ST8SIA2: variants seen among roughly 807,000 people sequenced by gnomAD.
The protein encoded by ST8SIA2 is alpha-2,8-sialyltransferase 8B.
ST8SIA2 carries 22 observed loss-of-function variants against 37.6 expected under a neutral mutation model. The observed-to-expected ratio is 0.58, with a 90% CI of 0.42 to 0.83. ST8SIA2 has a LOEUF of 0.83. Ranked by LOEUF, ST8SIA2 falls within the 40% of genes least tolerant of loss-of-function variation. ST8SIA2 has a pLI of 0.00. For synonymous variants in ST8SIA2, 205 were observed against 201.2 expected (o/e 1.02, Z -0.16); for missense variants, 382 against 484.7 (o/e 0.79, Z 1.99).
chr15:92,401,634 A>T (rs11074066), intron 1 of ST8SIA2, among the ~76,000 whole-genome samples: 3 of 152,106 alleles, frequency 2.0e-5, no homozygotes, highest in East Asian at 3.9e-4. Flanking sequence ...TCCAGCATCC[A>T]GCCTCGCTGT....
intron 5 of ST8SIA2, among the ~76,000 whole-genome samples, chr15:92,460,592 G>A (rs935506368): frequency 2.0e-5 from 3 of 152,184 alleles, no homozygotes; most frequent in Admixed American, 6.5e-5. Context: ...AGATGCTGCC[G>A]AGGTGGTCTA....
intron 1 of ST8SIA2, among the ~76,000 whole-genome samples, chr15:92,399,441 G>A (rs912462342): frequency 6.6e-6 from 1 of 152,202 alleles, no homozygotes; most frequent in South Asian, 2.1e-4. Context: ...CAGCCATGAC[G>A]AGATCTGTGA....
At chr15:92,429,998 T>C (rs1269536843) in intron 1 of ST8SIA2, 51 bp from the exon 2 acceptor site, 1 of 1,603,336 alleles carries the variant, frequency 6.2e-7, no homozygotes, top group Admixed American at 1.7e-5. Flanking sequence ...TGAAGAGGGC[T>C]TTGCAAAGAT....
In ST8SIA2 at chr15:92,465,293, T is replaced by TG. The variant is rs1298043149; in HGVS notation, c.*911dup. The TG allele has an allele frequency of 3.3e-5, 5 of 152,208 alleles. No homozygotes were observed. The highest frequency in any genetic ancestry group is 2.1e-4 in the South Asian group (1 of 4,826). The allele number at this position is 152,208 out of a possible 1,614,324, so 9.4% of individuals were successfully genotyped here. ...GAAGAGACCCTGGGATTTCACCCTCTGGGTTAGTCTCTGTCTCACCCTGTT... is the reference window on the plus strand; with the variant it reads ...GAAGAGACCCTGGGATTTCACCCTCTGGGGTTAGTCTCTGTCTCACCCTGTT... On this transcript the variant is annotated 3_prime_UTR_variant, in exon 6 of 6. Transcript: ENST00000268164.
At position 92,430,115 on chromosome 15, in the gene ST8SIA2, T is replaced by A; in HGVS notation, c.161+4T>A. Reference sequence around the variant, plus strand: ...GCTTACATAGCAAATCTAATAGGTTTGTAAATTAGATTTTGTGTTCATTTG... The same window carrying A: ...GCTTACATAGCAAATCTAATAGGTTAGTAAATTAGATTTTGTGTTCATTTG... On this transcript the variant is annotated splice_donor_region_variant and intron_variant, in intron 2 of 5. Coordinates refer to ENST00000268164, the MANE Select transcript of ST8SIA2 (RefSeq NM_006011.4). 6.2e-7 allele frequency: 1 copy of A among 1,613,640 alleles called. No homozygotes were observed. Among genetic ancestry groups the A allele is most frequent in the Non-Finnish European group, 8.5e-7 (1 of 1,179,672 alleles).
intron 4 of ST8SIA2, among the ~76,000 whole-genome samples, chr15:92,441,471 G>A (rs1223280806): frequency 6.6e-6 from 1 of 152,122 alleles, no homozygotes; most frequent in Non-Finnish European, 1.5e-5. Context: ...GCCCAGGAGA[G>A]CCCCACGATC....
rs750636593 is a variant in ST8SIA2 at position 92,464,400 on chromosome 15, G to A, written c.*15G>A. 3.7e-6 allele frequency: 6 copies of A among 1,612,840 alleles called. No individual in the cohort carries two copies. The South Asian group carries it at 6.6e-5, about 18-fold the overall frequency. Reference sequence around the variant, plus strand: ...GGGCCACGTAGGGTGGGCACCCCATGGGACTCAGTGGCTCACATTTCCTGC... The same window carrying A: ...GGGCCACGTAGGGTGGGCACCCCATAGGACTCAGTGGCTCACATTTCCTGC... On this transcript the variant is annotated 3_prime_UTR_variant, in exon 6 of 6. Coordinates refer to ENST00000268164, the MANE Select transcript of ST8SIA2 (RefSeq NM_006011.4).
At chr15:92,417,540 A>C (rs967067153) in intron 1 of ST8SIA2, 2 of 152,242 alleles carry the variant, frequency 1.3e-5, no homozygotes, top group Admixed American at 1.3e-4. Flanking sequence ...AGGCAGACTC[A>C]AGAGCAAAGC....
intron 4 of ST8SIA2, among the ~76,000 whole-genome samples, chr15:92,441,641 A>C (rs992667432): frequency 1.3e-5 from 2 of 151,958 alleles, no homozygotes; most frequent in African/African-American, 4.8e-5. Context: ...CATAGGGAGA[A>C]TCTGATGAAC....
chr15:92,397,769 A>G (rs1171864896), intron 1 of ST8SIA2, among the ~76,000 whole-genome samples: 1 of 152,238 alleles, frequency 6.6e-6, no homozygotes, highest in Non-Finnish European at 1.5e-5. Flanking sequence ...TTCAATAAAC[A>G]TCTGTTGGAT....
At chr15:92,412,620 A>G (rs1321665296) in intron 1 of ST8SIA2, among the ~76,000 whole-genome samples, 1 of 152,096 alleles carries the variant, frequency 6.6e-6, no homozygotes, top group Non-Finnish European at 1.5e-5. Context: ...GCAGTCTGGT[A>G]TGCACCACCA....
chr15:92,413,797 C>T (rs2049567447), intron 1 of ST8SIA2, among the ~76,000 whole-genome samples: 1 of 152,228 alleles, frequency 6.6e-6, no homozygotes, highest in South Asian at 2.1e-4. Flanking sequence ...CCTTTTCACT[C>T]CGGCCCTCTT....
intron 1 of ST8SIA2, among the ~76,000 whole-genome samples, chr15:92,428,301 T>G (rs1386280103): frequency 1.3e-5 from 2 of 152,240 alleles, no homozygotes; most frequent in African/African-American, 4.8e-5. Context: ...TGAAAATTAC[T>G]AAAGTTTGGG....
At chr15:92,400,857 G>C (rs557038159) in intron 1 of ST8SIA2, among the ~76,000 whole-genome samples, 2 of 152,186 alleles carry the variant, frequency 1.3e-5, no homozygotes. Flanking sequence ...AGCTGTTTCC[G>C]TGCAAGGGCT....
chr15:92,460,213 C>A (rs1316051003), intron 5 of ST8SIA2, among the ~76,000 whole-genome samples: 2 of 152,184 alleles, frequency 1.3e-5, no homozygotes, highest in Non-Finnish European at 2.9e-5. Context: ...TTTGGCAGAA[C>A]CACCCACCAG....
chr15:92,436,789 ATC>A (rs2049761667), intron 3 of ST8SIA2, among the ~76,000 whole-genome samples: 1 of 152,212 alleles, frequency 6.6e-6, no homozygotes, highest in East Asian at 1.9e-4. Flanking sequence ...GAGGCAGGTC[ATC>A]AATAAGGAAA....
Position 92,438,705 on chromosome 15 carries a change from G to A in ST8SIA2, c.548+95G>A, listed in dbSNP as rs959935552. On this transcript the variant is annotated intron_variant, in intron 4 of 5. Transcript: ENST00000268164. ...GCTGTCCCAAGAGATTGAAACAAGA[G>A]GCCCTGGTGGAGTTAGCCCCTGCTC... 21 of 1,448,650 alleles carry A rather than the reference G, an allele frequency of 1.4e-5. No individual in the cohort carries two copies. In the Middle Eastern group the frequency reaches 6.9e-4, roughly 48 times the overall value. 89.7% of individuals were successfully genotyped at this position (1,448,650 alleles called of 1,614,324 possible).
chr15:92,442,959 GAC>G (rs1265345431), intron 4 of ST8SIA2, among the ~76,000 whole-genome samples: 1 of 152,056 alleles, frequency 6.6e-6, no homozygotes, highest in African/African-American at 2.4e-5. Context: ...CCTCCTGTGT[GAC>G]AGGAGGGTGA....
At chr15:92,444,985 G>A in intron 5 of ST8SIA2, 56 bp downstream of exon 5, 2 of 1,597,860 alleles carry the variant, frequency 1.3e-6, no homozygotes, top group South Asian at 2.2e-5. Context: ...GAGATTCTTG[G>A]TAGGCAGTAT....
Sources: gnomAD v4.1 joint callset for allele counts (sites outside exome capture counted in the v4.1 genomes callset) on GRCh38, gnomAD v4.1.1 for gene constraint, MANE v1.5 for transcripts, NCBI Gene and HGNC (gene_info 2026-07-23, HGNC 2026-07-21) for gene names.